PDE6A: variants seen among roughly 807,000 people sequenced by gnomAD.
PDE6A encodes rod cGMP-specific 3',5'-cyclic phosphodiesterase subunit alpha.
A neutral mutation model predicts 106.3 loss-of-function variants in PDE6A; 84 were observed. That is an observed-to-expected ratio of 0.79 (90% CI 0.66 to 0.95). The LOEUF is 0.95. Among genes scored for constraint, PDE6A ranks in the 40% least tolerant of loss-of-function variants. The probability of loss-of-function intolerance (pLI) is 0.00; values close to 1 mark genes in which losing one functional copy is unlikely to be tolerated. For synonymous variants in PDE6A, 394 were observed against 386.6 expected (o/e 1.02, Z -0.23); for missense variants, 1,052 against 1,084.9 (o/e 0.97, Z 0.43).
chr5:149,941,988 G>T (rs143199194), intron 1 of PDE6A, among the ~76,000 whole-genome samples: 164 of 151,536 alleles, frequency 1.1e-3, no homozygotes, highest in African/African-American at 3.6e-3. Flanking sequence ...TCTTGACAGG[G>T]TCACACTCTG....
At chr5:149,890,647 T>C (rs776863070) in intron 13 of PDE6A, among the ~76,000 whole-genome samples, 2 of 152,160 alleles carry the variant, frequency 1.3e-5, no homozygotes, top group Non-Finnish European at 2.9e-5. Context: ...ACCATGACCA[T>C]GTAAAGTCTT....
In PDE6A at chr5:149,932,069, G is replaced by T; in HGVS notation, c.718-901C>A. The T allele has an allele frequency of 2.1e-6, 3 of 1,442,596 alleles. No homozygotes were observed. In the South Asian group the frequency reaches 3.4e-5, roughly 16 times the overall value. 89.4% of individuals were successfully genotyped at this position (1,442,596 alleles called of 1,614,324 possible). A position where few individuals can be genotyped will look rare whatever the true frequency, so the allele number is the denominator to read the frequency against. On this transcript the variant is annotated intron_variant, in intron 3 of 21. Coordinates refer to ENST00000255266, the MANE Select transcript of PDE6A (RefSeq NM_000440.3). Reference sequence around the variant, plus strand: ...AGAAAGCTACAGTAATTGAATACACGACCATTTCTCTTTTAGCACGTTCTT... The same window carrying T: ...AGAAAGCTACAGTAATTGAATACACTACCATTTCTCTTTTAGCACGTTCTT...
intron 4 of PDE6A, among the ~76,000 whole-genome samples, chr5:149,922,921 G>C (rs762446136): frequency 4.7e-4 from 72 of 152,154 alleles, no homozygotes; most frequent in Non-Finnish European, 1.5e-4. Context: ...TGCAACCTCA[G>C]TAGGCAAACA....
At chr5:149,866,276 A>C (rs758407764) in intron 19 of PDE6A, 23 bp from the exon 20 acceptor site, 1 of 1,548,028 alleles carries the variant, frequency 6.5e-7, no homozygotes, top group South Asian at 1.1e-5. Context: ...AGAAAGAGTT[A>C]ATTGCACTGG....
chr5:149,936,379 TA>T (rs1457896177), intron 1 of PDE6A, among the ~76,000 whole-genome samples: 2 of 152,196 alleles, frequency 1.3e-5, no homozygotes, highest in East Asian at 3.8e-4. Flanking sequence ...GCAAAATCTC[TA>T]AAAAGGCATT....
chr5:149,875,848 G>A (rs771998834), intron 17 of PDE6A, among the ~76,000 whole-genome samples: 1 of 152,130 alleles, frequency 6.6e-6, no homozygotes, highest in African/African-American at 2.4e-5. Flanking sequence ...AAGCACATGA[G>A]CAAGCTTTTC....
chr5:149,884,188 G>GA (rs55911717), intron 16 of PDE6A, among the ~76,000 whole-genome samples: 8,857 of 72,598 alleles, frequency 0.12, 412 homozygotes, highest in Middle Eastern at 0.26. Flanking sequence ...TCTCAAAAAA[G>GA]AAAAAAAAAA....
At chr5:149,930,986 T>C (rs1685311893) in intron 4 of PDE6A, 42 bp downstream of exon 4, 1 of 1,605,904 alleles carries the variant, frequency 6.2e-7, no homozygotes, top group South Asian at 1.1e-5. Flanking sequence ...CAGTGTCTGT[T>C]TAATCTTTTC....
At chr5:149,927,955 T>G (rs993236743) in intron 4 of PDE6A, among the ~76,000 whole-genome samples, 2 of 151,742 alleles carry the variant, frequency 1.3e-5, no homozygotes, top group African/African-American at 4.8e-5. Flanking sequence ...TTTGTCCCCC[T>G]GGAACGTCTT....
chr5:149,879,418 G>GTTTT (rs147091528), intron 17 of PDE6A, among the ~76,000 whole-genome samples: 1 of 148,278 alleles, frequency 6.7e-6, no homozygotes, highest in African/African-American at 2.5e-5. Flanking sequence ...TTTTTTTTAG[G>GTTTT]TTTTTTTTTT....
At chr5:149,938,668 A>C (rs1256545299) in intron 1 of PDE6A, among the ~76,000 whole-genome samples, 1 of 152,182 alleles carries the variant, frequency 6.6e-6, no homozygotes, top group Non-Finnish European at 1.5e-5. Flanking sequence ...ATAAACTATA[A>C]ATAATTTTTT....
At position 149,933,970 on chromosome 5, in the gene PDE6A, TG is replaced by T; in HGVS notation, c.676del (p.His226ThrfsTer2). The T allele has an allele frequency of 6.2e-7, 1 of 1,613,924 alleles. No individual in the cohort carries two copies. Among genetic ancestry groups the T allele is most frequent in the Non-Finnish European group, 8.5e-7 (1 of 1,179,830 alleles). On this transcript the variant is annotated frameshift_variant, in exon 3 of 22. Coordinates refer to ENST00000255266, the MANE Select transcript of PDE6A (RefSeq NM_000440.3). LOFTEE classifies it high-confidence loss of function. ...TTCACAGTTGTGCAGGTAACTCAGGTGGTACACCTTCATGATTAGATTTGCA... is the reference window on the plus strand; with the variant it reads ...TTCACAGTTGTGCAGGTAACTCAGGTGTACACCTTCATGATTAGATTTGCA... The part of the protein sequence containing the change: ...NFANLIMKVY[H>X]LSYLHNCETR...
intron 13 of PDE6A, among the ~76,000 whole-genome samples, chr5:149,894,038 T>A (rs1437523234): frequency 6.6e-6 from 1 of 152,214 alleles, no homozygotes. Context: ...GTACCAGTTA[T>A]AGGGAATTTA....
At chr5:149,932,446 G>C in intron 3 of PDE6A, 1 of 1,398,574 alleles carries the variant, frequency 7.2e-7, no homozygotes, top group Non-Finnish European at 1.0e-6. Flanking sequence ...ATAAGGTCAA[G>C]ATCTGCTGGT....
chr5:149,867,486 C>G (rs1482572917), intron 19 of PDE6A: 1 of 604,068 alleles, frequency 1.7e-6, no homozygotes, highest in African/African-American at 1.8e-5. Flanking sequence ...TTGCAGGGGC[C>G]CACCCCCAGA....
rs369331246 is a variant in PDE6A at position 149,895,150 on chromosome 5, C to T, written c.1728+33G>A. 91 of 1,316,668 alleles carry T rather than the reference C, an allele frequency of 6.9e-5. No homozygotes were observed. The African/African-American group carries it at 1.1e-3, about 16-fold the overall frequency. 81.6% of individuals were successfully genotyped at this position (1,316,668 alleles called of 1,614,324 possible). ...ATGAGATTGTCTAGTGTGATGCAAG[C>T]CCACCCTACCAGCCCCACCGGCCCC... On this transcript the variant is annotated intron_variant, in intron 13 of 21. Coordinates refer to ENST00000255266, the MANE Select transcript of PDE6A (RefSeq NM_000440.3).
At chr5:149,944,178 TC>T in intron 1 of PDE6A, 21 bp downstream of exon 1, 3 of 1,578,636 alleles carry the variant, frequency 1.9e-6, no homozygotes, top group Non-Finnish European at 2.6e-6. Context: ...CCATGCCCTC[TC>T]TCTCATGGGG....
chr5:149,932,304 A>G (rs775078097), intron 3 of PDE6A: 82 of 1,439,806 alleles, frequency 5.7e-5, no homozygotes, highest in Non-Finnish European at 7.6e-5. Context: ...TAGTCGGCCA[A>G]CTGCACGGAT....
chr5:149,898,688 A>C (rs1752850279), intron 9 of PDE6A, among the ~76,000 whole-genome samples, 182 bp from the exon 10 acceptor site: 1 of 152,154 alleles, frequency 6.6e-6, no homozygotes, highest in South Asian at 2.1e-4. Flanking sequence ...ATGTGACCAC[A>C]CTGTACATAA....
Sources: gnomAD v4.1 joint callset for allele counts (sites outside exome capture counted in the v4.1 genomes callset) on GRCh38, gnomAD v4.1.1 for gene constraint, MANE v1.5 for transcripts, NCBI Gene and HGNC (gene_info 2026-07-23, HGNC 2026-07-21) for gene names.